Variants in PCDHA9 observed in about 807,000 individuals in gnomAD.
PCDHA9 encodes the protein protocadherin alpha 9, also known as protocadherin alpha-9.
PCDHA9 carries 62 observed loss-of-function variants against 62.0 expected under a neutral mutation model. The ratio of observed to expected loss-of-function variants is 1.00; its 90% confidence interval spans 0.81 to 1.23. The LOEUF (loss-of-function observed/expected upper bound fraction) is 1.23. PCDHA9 is among the 50% of genes most tolerant of loss of function. The probability of loss-of-function intolerance (pLI) is 0.00; values close to 1 mark genes in which losing one functional copy is unlikely to be tolerated. For missense variants in PCDHA9, 1,205 were observed against 1,249.8 expected (o/e 0.96, Z 0.54); for synonymous variants, 557 against 567.6 (o/e 0.98, Z 0.27).
chr5:140,975,591 G>A (rs1421434713), intron 1 of PCDHA9, among the ~76,000 whole-genome samples: 1 of 152,198 alleles, frequency 6.6e-6, no homozygotes, highest in African/African-American at 2.4e-5. Flanking sequence ...GTCCCAGAGG[G>A]CAATTTGTTG....
intron 1 of PCDHA9, chr5:140,862,499 G>T (rs1581644581): frequency 2.5e-6 from 1 of 396,118 alleles, no homozygotes; most frequent in East Asian, 6.8e-5. Flanking sequence ...CGCTCGGAAT[G>T]GGGACTCGCT....
At chr5:140,927,899 A>G (rs1554205221) in intron 1 of PCDHA9, 2 of 1,614,194 alleles carry the variant, frequency 1.2e-6, no homozygotes, top group Admixed American at 1.7e-5. Context: ...GTGAACGATC[A>G]TGCCCCCGAA....
At chr5:140,954,214 T>C (rs1186171676) in intron 1 of PCDHA9, among the ~76,000 whole-genome samples, 1 of 152,254 alleles carries the variant, frequency 6.6e-6, no homozygotes, top group African/African-American at 2.4e-5. Flanking sequence ...TCCCATGTTT[T>C]TGCTATTGTG....
Position 140,850,578 on chromosome 5 carries a change from G to T in PCDHA9, c.2083G>T (p.Asp695Tyr). The T allele has an allele frequency of 6.3e-7, 1 of 1,598,460 alleles. No individual in the cohort carries two copies. The highest frequency in any genetic ancestry group is 8.6e-7 in the Non-Finnish European group (1 of 1,167,876). Reference sequence around the variant, plus strand: ...CACGGGCCCCGAGGTGACGCTGGTGGATGTCAACGTGTACCTGATCATCGC... The same window carrying T: ...CACGGGCCCCGAGGTGACGCTGGTGTATGTCAACGTGTACCTGATCATCGC... ...GATGPEVTLV[D>Y]VNVYLIIAIC... The change falls in exon 1 of 4, where the codon GAT becomes TAT. Residue 695 changes from aspartate to tyrosine, a missense_variant. Around this residue, in one of 3 missense-constraint regions of PCDHA9, gnomAD observed 887 missense variants for 809.5 expected, o/e 1.10. Coordinates refer to ENST00000532602, the MANE Select transcript of PCDHA9 (RefSeq NM_031857.2).
intron 1 of PCDHA9, among the ~76,000 whole-genome samples, chr5:140,952,473 A>C (rs1262702527): frequency 6.6e-6 from 1 of 152,210 alleles, no homozygotes; most frequent in Non-Finnish European, 1.5e-5. Flanking sequence ...GCATAAGGAA[A>C]GTGACATTTG....
chr5:140,981,895 G>A (rs2153826767), intron 2 of PCDHA9, among the ~76,000 whole-genome samples: 1 of 152,252 alleles, frequency 6.6e-6, no homozygotes, highest in East Asian at 1.9e-4. Flanking sequence ...TCTGAGCGGG[G>A]ATCTGTGAGT....
intron 1 of PCDHA9, among the ~76,000 whole-genome samples, chr5:140,961,599 G>T (rs1012408317): frequency 6.6e-6 from 1 of 152,062 alleles, no homozygotes; most frequent in African/African-American, 2.4e-5. Context: ...AATGATTCTA[G>T]TAAATGAAAC....
intron 1 of PCDHA9, chr5:140,881,393 A>G: frequency 1.0e-6 from 1 of 979,646 alleles, no homozygotes; most frequent in Non-Finnish European, 1.2e-6. Context: ...GGTAAGTTAA[A>G]TTCTATTAAA....
intron 1 of PCDHA9, among the ~76,000 whole-genome samples, chr5:140,937,638 CATGGTGG>C (rs1563162054): frequency 2.0e-5 from 3 of 150,048 alleles, no homozygotes; most frequent in South Asian, 4.2e-4. Flanking sequence ...AAAGGCAGGG[CATGGTGG>C]CTCACGCCTG....
At chr5:141,002,312 C>T (rs1171531371) in intron 3 of PCDHA9, among the ~76,000 whole-genome samples, 1 of 152,230 alleles carries the variant, frequency 6.6e-6, no homozygotes, top group East Asian at 1.9e-4. Flanking sequence ...GGGGCCGAAA[C>T]CTGGAGGCCG....
At chr5:140,936,244 T>C (rs879962489) in intron 1 of PCDHA9, among the ~76,000 whole-genome samples, 13 of 152,192 alleles carry the variant, frequency 8.5e-5, no homozygotes, top group Non-Finnish European at 1.6e-4. Context: ...AGAAAACATA[T>C]CCTGCTTCAA....
chr5:140,888,980 G>A (rs1429569959), intron 1 of PCDHA9, among the ~76,000 whole-genome samples: 2 of 152,022 alleles, frequency 1.3e-5, no homozygotes, highest in Non-Finnish European at 2.9e-5. Context: ...TTGAATTTAT[G>A]ATTTATGATT....
intron 1 of PCDHA9, chr5:140,884,082 C>A (rs2059986179): frequency 1.2e-6 from 2 of 1,613,558 alleles, no homozygotes; most frequent in Non-Finnish European, 8.5e-7. Flanking sequence ...GGCTACAATG[C>A]GTGGCTTTCG....
At chr5:140,882,374 C>A in intron 1 of PCDHA9, 1 of 1,614,186 alleles carries the variant, frequency 6.2e-7, no homozygotes, top group East Asian at 2.2e-5. Flanking sequence ...CTACTCCGTC[C>A]CCGAGGAAGC....
Position 140,883,090 on chromosome 5 carries a change from T to C in PCDHA9, c.2394+32201T>C, listed in dbSNP as rs550322124. On this transcript the variant is annotated intron_variant, in intron 1 of 3. Transcript: ENST00000532602. ...CCACAGATCCTGATGATGGTACAAA[T>C]GGAGATATAGTTTACTCATTTAGAA... The C allele has an allele frequency of 1.4e-4, 226 of 1,614,138 alleles. 1 individual carries two copies. In the South Asian group the frequency reaches 2.4e-3, roughly 17 times the overall value.
At position 140,871,031 on chromosome 5, in the gene PCDHA9, G is replaced by A. The variant is rs543880939; in HGVS notation, c.2394+20142G>A. ...GCCCTGGACGAGGCAGACTCGCCGC[G>A]CCACCGACTTCTAGTACTGGTGAAG... is the stretch of plus-strand genomic sequence containing the variant. On this transcript the variant is annotated intron_variant, in intron 1 of 3. Coordinates refer to ENST00000532602, the MANE Select transcript of PCDHA9 (RefSeq NM_031857.2). 3.2e-5 allele frequency: 52 copies of A among 1,613,210 alleles called. 1 individual carries two copies. In the South Asian group the frequency reaches 4.7e-4, roughly 15 times the overall value.
At chr5:141,002,923 C>A (rs1261794185) in intron 3 of PCDHA9, among the ~76,000 whole-genome samples, 2 of 152,220 alleles carry the variant, frequency 1.3e-5, no homozygotes, top group Non-Finnish European at 2.9e-5. Flanking sequence ...AAAGTGAACA[C>A]CCTCCAACAC....
At chr5:141,004,445 T>C (rs2098166676) in intron 3 of PCDHA9, among the ~76,000 whole-genome samples, 1 of 152,206 alleles carries the variant, frequency 6.6e-6, no homozygotes. Flanking sequence ...CTGAGTCATA[T>C]AGAACCAGGA....
At chr5:140,924,901 A>AATAAAATAAAAT (rs145282866) in intron 1 of PCDHA9, among the ~76,000 whole-genome samples, 7 of 80,504 alleles carry the variant, frequency 8.7e-5, no homozygotes, top group Middle Eastern at 6.1e-3. Context: ...TCTCAAAAAA[A>AATAAAATAAAAT]AAAATAAAAT....
Sources: gnomAD v4.1 joint callset for allele counts (sites outside exome capture counted in the v4.1 genomes callset) on GRCh38, gnomAD v4.1.1 for gene constraint, gnomAD v4.1.1 regional missense constraint, MANE v1.5 for transcripts, NCBI Gene and HGNC (gene_info 2026-07-23, HGNC 2026-07-21) for gene names.